MAPKAPK3: variants seen among roughly 807,000 people sequenced by gnomAD.
The protein encoded by MAPKAPK3 is MAP kinase-activated protein kinase 3.
Under a neutral mutation model 49.2 loss-of-function variants are expected in MAPKAPK3, and 35 were observed. The ratio of observed to expected loss-of-function variants is 0.71; its 90% confidence interval spans 0.54 to 0.94. The LOEUF (loss-of-function observed/expected upper bound fraction) is 0.94, where lower values mean the gene tolerates loss of function less well. Ranked by LOEUF, MAPKAPK3 falls within the 40% of genes least tolerant of loss-of-function variation. The probability of loss-of-function intolerance (pLI) is 0.00; values close to 1 mark genes in which losing one functional copy is unlikely to be tolerated. For missense variants in MAPKAPK3, 398 were observed against 493.1 expected (o/e 0.81, Z 1.83); for synonymous variants, 178 against 188.7 (o/e 0.94, Z 0.46).
chr3:50,628,125 C>T (rs1159872579), intron 2 of MAPKAPK3, among the ~76,000 whole-genome samples: 5 of 152,166 alleles, frequency 3.3e-5, no homozygotes, highest in Non-Finnish European at 2.9e-5. Context: ...ACATCTCCTC[C>T]AGGCGAGAGA....
intron 2 of MAPKAPK3, among the ~76,000 whole-genome samples, chr3:50,637,625 C>A (rs1384450503): frequency 6.9e-6 from 1 of 144,060 alleles, no homozygotes; most frequent in Non-Finnish European, 1.5e-5. Context: ...GAGCAAGACT[C>A]TGTCTCAAAA....
Position 50,627,487 on chromosome 3 carries a change from C to T in MAPKAPK3, c.219+9703C>T, listed in dbSNP as rs139122053. 8.8e-3 allele frequency among the ~76,000 whole-genome samples: 1,343 copies of T among 152,294 alleles called. 26 individuals are homozygous for T. Among genetic ancestry groups the T allele is most frequent in the African/African-American group, 0.029 (1,196 of 41,558 alleles). On this transcript the variant is annotated intron_variant, in intron 2 of 10. Transcript: ENST00000621469. ...GGCTATATTCTGCCAGGGTCAGGAG[C>T]TCTGAGGGTTATGACTCAGGTTTGG...
chr3:50,629,406 GT>G (rs1040076657), intron 2 of MAPKAPK3, among the ~76,000 whole-genome samples: 1 of 152,200 alleles, frequency 6.6e-6, no homozygotes, highest in Admixed American at 6.5e-5. Context: ...CCCAGGAACT[GT>G]TTTCACCCAT....
intron 5 of MAPKAPK3, among the ~76,000 whole-genome samples, chr3:50,644,119 A>G (rs1009113576): frequency 6.6e-6 from 1 of 152,180 alleles, no homozygotes; most frequent in Admixed American, 6.5e-5. Context: ...TTTCATGGCA[A>G]TGTCACCAAC....
chr3:50,611,643 A>G, upstream of MAPKAPK3: 1 of 1,505,248 alleles, frequency 6.6e-7, no homozygotes, highest in Non-Finnish European at 8.9e-7. Flanking sequence ...CTGAACGCAG[A>G]GGACCATGTC....
intron 2 of MAPKAPK3, among the ~76,000 whole-genome samples, chr3:50,621,471 G>A (rs1194247015): frequency 6.6e-6 from 1 of 151,894 alleles, no homozygotes; most frequent in East Asian, 1.9e-4. Context: ...AGTGGCGGGC[G>A]CCTGTAATCC....
At chr3:50,635,151 A>G (rs1466313868) in intron 2 of MAPKAPK3, among the ~76,000 whole-genome samples, 1 of 152,170 alleles carries the variant, frequency 6.6e-6, no homozygotes, top group Non-Finnish European at 1.5e-5. Context: ...CATGCCTGGG[A>G]AGATGGAGCT....
At chr3:50,632,819 G>A (rs894026812) in intron 2 of MAPKAPK3, among the ~76,000 whole-genome samples, 6 of 152,210 alleles carry the variant, frequency 3.9e-5, no homozygotes, top group Non-Finnish European at 8.8e-5. Flanking sequence ...TGGTAGCCTC[G>A]GCGCTTCCTG....
At chr3:50,644,872 T>C (rs930489252) in intron 6 of MAPKAPK3, among the ~76,000 whole-genome samples, 1 of 152,172 alleles carries the variant, frequency 6.6e-6, no homozygotes, top group Non-Finnish European at 1.5e-5. Context: ...TTTGTCTTCC[T>C]GGGATTCATA....
chr3:50,638,407 G>A (rs2033092643), intron 2 of MAPKAPK3, among the ~76,000 whole-genome samples: 1 of 152,180 alleles, frequency 6.6e-6, no homozygotes, highest in Admixed American at 6.5e-5. Context: ...AGAAGCTGGT[G>A]ATTGGGAATT....
chr3:50,646,837 C>A lies in MAPKAPK3; in HGVS notation c.915+12C>A, dbSNP rs752003378. 2.5e-6 allele frequency: 4 copies of A among 1,613,506 alleles called. No individual in the cohort carries two copies. Among genetic ancestry groups the A allele is most frequent in the Middle Eastern group, 1.7e-4 (1 of 6,056 alleles). ...ACCCCTGGATCAACGTGAGCCCCTC[C>A]TCCTCCCATGGCAGGCAGGGTGTCC... On this transcript the variant is annotated intron_variant, in intron 9 of 10. Transcript: ENST00000621469.
At chr3:50,617,297 G>C (rs2032492965) in intron 1 of MAPKAPK3, 56 bp downstream of exon 1, 1 of 361,476 alleles carries the variant, frequency 2.8e-6, no homozygotes, top group Non-Finnish European at 5.0e-6. Context: ...GCGGCCATTA[G>C]GCGCCCGGCC....
Position 50,625,369 on chromosome 3 carries a change from G to A in MAPKAPK3, c.219+7585G>A, listed in dbSNP as rs550824876. On this transcript the variant is annotated intron_variant, in intron 2 of 10. Coordinates refer to ENST00000621469, the MANE Select transcript of MAPKAPK3 (RefSeq NM_001243925.2). ...CCCTTGAGGGACAGGAAAGAATGGC[G>A]TGAAGGGAGCTCTGGGTCCTGGGCT... Among the ~76,000 whole-genome samples, 21 of 152,294 alleles carry A rather than the reference G, an allele frequency of 1.4e-4. 1 individual carries two copies. Among genetic ancestry groups the A allele is most frequent in the East Asian group, 7.8e-4 (4 of 5,156 alleles).
chr3:50,641,146 T>C (rs1265295103), intron 3 of MAPKAPK3, among the ~76,000 whole-genome samples: 1 of 152,236 alleles, frequency 6.6e-6, no homozygotes, highest in African/African-American at 2.4e-5. Flanking sequence ...GCATTTACCC[T>C]GTGCTTGACT....
upstream of MAPKAPK3, chr3:50,612,546 A>T (rs2032361117): frequency 6.6e-6 from 1 of 152,164 alleles, no homozygotes; most frequent in African/African-American, 2.4e-5. Flanking sequence ...TCTTTGAAAG[A>T]GTTGAAGGAG....
At chr3:50,619,099 G>A (rs766197025) in intron 2 of MAPKAPK3, among the ~76,000 whole-genome samples, 5 of 152,224 alleles carry the variant, frequency 3.3e-5, no homozygotes, top group Non-Finnish European at 5.9e-5. Flanking sequence ...GACTCTGGAA[G>A]CCAGGTTTCT....
chr3:50,637,242 A>G (rs1423060758), intron 2 of MAPKAPK3, among the ~76,000 whole-genome samples: 3 of 152,164 alleles, frequency 2.0e-5, no homozygotes, highest in Non-Finnish European at 4.4e-5. Context: ...TCGGAAGCCC[A>G]GTGTTTCCTG....
chr3:50,618,050 G>A (rs2032517270), intron 2 of MAPKAPK3, among the ~76,000 whole-genome samples: 1 of 152,224 alleles, frequency 6.6e-6, no homozygotes, highest in African/African-American at 2.4e-5. Context: ...AGCAGGGAAG[G>A]GGTGACTCCT....
intron 3 of MAPKAPK3, 61 bp downstream of exon 3, chr3:50,640,566 G>A (rs1419769574): frequency 1.9e-6 from 3 of 1,539,474 alleles, no homozygotes; most frequent in Non-Finnish European, 2.6e-6. Context: ...CAGGCTCCCT[G>A]CCACGCTTCT....
Sources: gnomAD v4.1 joint callset for allele counts (sites outside exome capture counted in the v4.1 genomes callset) on GRCh38, gnomAD v4.1.1 for gene constraint, MANE v1.5 for transcripts, NCBI Gene and HGNC (gene_info 2026-07-23, HGNC 2026-07-21) for gene names.